XRRA1: variants seen among roughly 807,000 people sequenced by gnomAD.
The protein encoded by XRRA1 is X-ray radiation resistance-associated protein 1.
XRRA1 carries 69 observed loss-of-function variants against 80.2 expected under a neutral mutation model. That is an observed-to-expected ratio of 0.86 (90% CI 0.71 to 1.05). The LOEUF (loss-of-function observed/expected upper bound fraction) is 1.05, where lower values mean the gene tolerates loss of function less well. XRRA1 is among the 50% of genes least tolerant of loss of function. XRRA1 has a pLI of 0.00. For missense variants in XRRA1, 967 were observed against 976.4 expected, an observed-to-expected ratio of 0.99 and a Z score of 0.13; for synonymous variants, 348 against 389.9, an observed-to-expected ratio of 0.89 and a Z score of 1.27.
intron 10 of XRRA1, among the ~76,000 whole-genome samples, chr11:74,867,046 C>T (rs568760036): frequency 6.6e-6 from 1 of 152,256 alleles, no homozygotes; most frequent in South Asian, 2.1e-4. Flanking sequence ...CCAGCATGAA[C>T]ATTAAGCATG....
intron 5 of XRRA1, among the ~76,000 whole-genome samples, chr11:74,932,163 C>T (rs1404848212): frequency 6.6e-6 from 1 of 152,138 alleles, no homozygotes; most frequent in Non-Finnish European, 1.5e-5. Flanking sequence ...AATATCTTCT[C>T]CCAGTCTCAG....
intron 10 of XRRA1, among the ~76,000 whole-genome samples, chr11:74,884,810 A>G (rs1013210090): frequency 6.6e-6 from 1 of 152,176 alleles, no homozygotes; most frequent in African/African-American, 2.4e-5. Flanking sequence ...AGCATTAAAT[A>G]CCCACATCAA....
At position 74,863,033 on chromosome 11, in the gene XRRA1, G is replaced by A. The variant is rs758716634; in HGVS notation, c.1004-12C>T. 3.1e-6 allele frequency: 5 copies of A among 1,599,418 alleles called. No homozygotes were observed. Among genetic ancestry groups the A allele is most frequent in the Non-Finnish European group, 3.4e-6 (4 of 1,172,700 alleles). On this transcript the variant is annotated splice_polypyrimidine_tract_variant and intron_variant, in intron 10 of 18. Coordinates refer to ENST00000684022, the MANE Select transcript of XRRA1 (RefSeq NM_001378157.1). ...TGAAAACACAACCTCTGAAACAGAA[G>A]AGAAACAGAATGAAGGTTGGTGAGA...
At chr11:74,844,761 G>A (rs2037572556) in intron 16 of XRRA1, among the ~76,000 whole-genome samples, 1 of 152,180 alleles carries the variant, frequency 6.6e-6, no homozygotes, top group East Asian at 1.9e-4. Context: ...GGCCATTCTG[G>A]GTGTTCATTC....
chr11:74,867,917 CTTT>C (rs60520990), intron 10 of XRRA1, among the ~76,000 whole-genome samples: 2 of 106,748 alleles, frequency 1.9e-5, no homozygotes, highest in African/African-American at 3.6e-5. Context: ...TATAGTCAAT[CTTT>C]TTTTTTTTTT....
chr11:74,906,439 A>G lies in XRRA1; in HGVS notation c.803T>C (p.Leu268Ser), dbSNP rs369997863. The G allele has an allele frequency of 8.2e-5, 132 of 1,613,968 alleles. No homozygotes were observed. The highest frequency in any genetic ancestry group is 6.6e-4 in the Middle Eastern group (4 of 6,056). ...AGLRRLKKLS[L>S]DENRIIRIPY... ...GATCCTGATAATCCTGTTTTCATCCAAGCTTAACTTCTTCAGTCTTCAATT... is the reference window on the plus strand; with the variant it reads ...GATCCTGATAATCCTGTTTTCATCCGAGCTTAACTTCTTCAGTCTTCAATT... The change falls in exon 10 of 19, where the codon TTG becomes TCG. Residue 268 changes from leucine (L) to serine (S), a missense_variant. Physicochemically the swap from Leu to Ser is moderately radical, Grantham distance 145. Coordinates refer to ENST00000684022, the MANE Select transcript of XRRA1 (RefSeq NM_001378157.1).
At chr11:74,846,739 C>A (rs1361909393) in intron 15 of XRRA1, among the ~76,000 whole-genome samples, 1 of 152,058 alleles carries the variant, frequency 6.6e-6, no homozygotes, top group Non-Finnish European at 1.5e-5. Context: ...TAGAAAGTAA[C>A]TTCCTCAACC....
At chr11:74,933,733 C>A in intron 5 of XRRA1, 68 bp downstream of exon 5, 1 of 1,471,234 alleles carries the variant, frequency 6.8e-7, no homozygotes. Context: ...AAGAGACAAA[C>A]CACAACAGCC....
At chr11:74,873,885 A>G (rs367917925) in intron 10 of XRRA1, among the ~76,000 whole-genome samples, 1 of 152,184 alleles carries the variant, frequency 6.6e-6, no homozygotes, top group East Asian at 1.9e-4. Context: ...GGGGCATTAC[A>G]GGATTCTGCA....
At chr11:74,883,210 G>T (rs540643086) in intron 10 of XRRA1, among the ~76,000 whole-genome samples, 1 of 130,776 alleles carries the variant, frequency 7.6e-6, no homozygotes, top group Non-Finnish European at 1.7e-5. Context: ...ATATAATCTC[G>T]TGGTGTGCCG....
At chr11:74,907,970 T>G (rs2055010862) in intron 8 of XRRA1, among the ~76,000 whole-genome samples, 1 of 152,204 alleles carries the variant, frequency 6.6e-6, no homozygotes, top group Non-Finnish European at 1.5e-5. Flanking sequence ...GTGACCTCAC[T>G]TGTGTCCTCC....
chr11:74,841,955 T>A lies in XRRA1; in HGVS notation c.*1245A>T, dbSNP rs562297658. 34 of 151,994 alleles carry A rather than the reference T, an allele frequency of 2.2e-4. No homozygotes were observed. Among genetic ancestry groups the A allele is most frequent in the African/African-American group, 8.2e-4 (34 of 41,440 alleles). The allele number at this position is 151,994 out of a possible 1,614,324, so 9.4% of individuals were successfully genotyped here. ...CCAGCAGAGCACTTAAAAGTCCTAG[T>A]GAGAGAATAGATACTATGCAAGGGA... On this transcript the variant is annotated 3_prime_UTR_variant, in exon 19 of 19. Coordinates refer to ENST00000684022, the MANE Select transcript of XRRA1 (RefSeq NM_001378157.1).
At chr11:74,933,593 A>T (rs1342941563) in intron 5 of XRRA1, 1 of 535,852 alleles carries the variant, frequency 1.9e-6, no homozygotes, top group Non-Finnish European at 3.4e-6. Context: ...CAAATAGGAC[A>T]AGGGCAATAT....
chr11:74,906,581 A>G lies in XRRA1; in HGVS notation c.786-125T>C, dbSNP rs952446375. ...TACTTATTCCTCTTGTGTGACGTTGAGCCGGTGACTTACTCTCTCTGGGAT... is the reference window on the plus strand; with the variant it reads ...TACTTATTCCTCTTGTGTGACGTTGGGCCGGTGACTTACTCTCTCTGGGAT... On this transcript the variant is annotated intron_variant, in intron 9 of 18. Transcript: ENST00000684022. The G allele has an allele frequency of 6.6e-6, 7 of 1,068,052 alleles. No homozygotes were observed. The Admixed American group carries it at 1.9e-4, about 28-fold the overall frequency. 66.2% of individuals were successfully genotyped at this position (1,068,052 alleles called of 1,614,324 possible).
At chr11:74,864,929 C>G (rs2043063956) in intron 10 of XRRA1, among the ~76,000 whole-genome samples, 1 of 152,208 alleles carries the variant, frequency 6.6e-6, no homozygotes, top group South Asian at 2.1e-4. Context: ...AGAGAACTAA[C>G]CAGACTGTGC....
intron 10 of XRRA1, among the ~76,000 whole-genome samples, chr11:74,877,454 T>G (rs979737606): frequency 1.4e-5 from 2 of 144,080 alleles, no homozygotes; most frequent in East Asian, 1.9e-4. Context: ...AATGGGATTC[T>G]TTTTTTTTAT....
At chr11:74,941,389 A>C (rs1946305252) in intron 2 of XRRA1, among the ~76,000 whole-genome samples, 1 of 152,234 alleles carries the variant, frequency 6.6e-6, no homozygotes, top group Non-Finnish European at 1.5e-5. Context: ...ATGAGACTTG[A>C]ACTGGATAAA....
intron 2 of XRRA1, among the ~76,000 whole-genome samples, chr11:74,941,197 C>T (rs1363385730): frequency 1.3e-5 from 2 of 152,176 alleles, no homozygotes; most frequent in Non-Finnish European, 2.9e-5. Flanking sequence ...GGGCAAGTTA[C>T]TCTACTCCTC....
intron 10 of XRRA1, chr11:74,863,303 T>C: frequency 2.1e-6 from 1 of 468,944 alleles, no homozygotes; most frequent in Non-Finnish European, 3.9e-6. Context: ...CATTTCATGA[T>C]ACTCTCCCTC....
Sources: allele counts gnomAD v4.1 joint callset (sites outside exome capture counted in the v4.1 genomes callset), GRCh38; gene constraint gnomAD v4.1.1; transcripts MANE v1.5; gene names NCBI Gene and HGNC (gene_info 2026-07-23, HGNC 2026-07-21).